The following HNRNPH3 variants were observed in gnomAD, a reference collection of about 807,000 sequenced individuals.
The protein encoded by HNRNPH3 is heterogeneous nuclear ribonucleoprotein H3, also known as heterogeneous nuclear ribonucleoprotein 2H9.
Under a neutral mutation model 47.0 loss-of-function variants are expected in HNRNPH3, and 7 were observed. That is an observed-to-expected ratio of 0.15 (90% CI 0.08 to 0.28). HNRNPH3 has a LOEUF of 0.28. HNRNPH3 is among the 10% of genes least tolerant of loss of function. The pLI, the probability that HNRNPH3 is intolerant of heterozygous loss-of-function variation, is 1.00. For missense variants in HNRNPH3, 279 were observed against 449.6 expected, an observed-to-expected ratio of 0.62 and a Z score of 3.43; for synonymous variants, 120 against 143.2, an observed-to-expected ratio of 0.84 and a Z score of 1.16.
chr10:68,339,072 T>G (rs1235996864), intron 4 of HNRNPH3, 68 bp from the exon 5 acceptor site: 1 of 1,287,730 alleles, frequency 7.8e-7, no homozygotes. Flanking sequence ...AAAATGTTTT[T>G]GTAAACTAAA....
intron 4 of HNRNPH3, 23 bp downstream of exon 4, chr10:68,338,710 G>A (rs747875735): frequency 3.3e-6 from 5 of 1,513,460 alleles, no homozygotes; most frequent in East Asian, 2.3e-5. Context: ...AATGAACAAA[G>A]GTTCTGTTGT....
In HNRNPH3 at chr10:68,339,574, C is replaced by T. The variant is rs1362066981; in HGVS notation, c.639+19C>T. ...TGCTAATGTGAGTAATTTTTAATAA[C>T]TATTAGTGGTTTTATACTTATCCTG... On this transcript the variant is annotated intron_variant, in intron 6 of 9. Coordinates refer to ENST00000265866, the MANE Select transcript of HNRNPH3 (RefSeq NM_012207.3). 4.8e-6 allele frequency: 7 copies of T among 1,455,562 alleles called. No homozygotes were observed. In the African/African-American group the frequency reaches 8.4e-5, roughly 17 times the overall value. 90.2% of individuals were successfully genotyped at this position (1,455,562 alleles called of 1,614,324 possible). A position where few individuals can be genotyped will look rare whatever the true frequency, so the allele number is the denominator to read the frequency against.
intron 1 of HNRNPH3, among the ~76,000 whole-genome samples, chr10:68,335,109 A>C (rs574936745): frequency 9.4e-5 from 14 of 149,324 alleles, no homozygotes; most frequent in African/African-American, 3.4e-4. Flanking sequence ...CACTGATAAC[A>C]CTTTTTTTGT....
Position 68,333,551 on chromosome 10 carries a change from T to C in HNRNPH3, c.-24+1335T>C, listed in dbSNP as rs185938776. Among the ~76,000 whole-genome samples, 594 of 152,298 alleles carry C rather than the reference T, an allele frequency of 3.9e-3. 8 individuals are homozygous for C. The highest frequency in any genetic ancestry group is 0.014 in the African/African-American group (570 of 41,556). ...TTGGTAGCTAGGCATGTTTTTTCTTTAGTGTAGGAGTATAGTACACTGTAA... is the reference window on the plus strand; with the variant it reads ...TTGGTAGCTAGGCATGTTTTTTCTTCAGTGTAGGAGTATAGTACACTGTAA... On this transcript the variant is annotated intron_variant, in intron 1 of 9. Transcript: ENST00000265866.
At chr10:68,336,426 AT>A (rs2045549986) in intron 1 of HNRNPH3, among the ~76,000 whole-genome samples, 1 of 152,214 alleles carries the variant, frequency 6.6e-6, no homozygotes, top group South Asian at 2.1e-4. Flanking sequence ...ATTAAAAAGT[AT>A]ATTACCTATT....
Position 68,337,387 on chromosome 10 carries a change from G to A in HNRNPH3, c.112+54G>A. On this transcript the variant is annotated intron_variant, in intron 2 of 9. Coordinates refer to ENST00000265866, the MANE Select transcript of HNRNPH3 (RefSeq NM_012207.3). The surrounding 1 kb of genome is among the most constrained non-coding windows in gnomAD (Gnocchi z 4.5). ...AGTATTGTAATTTTATATTTGTATT[G>A]TTTTACTGTTTTTAATTTGTAAAAC... is the stretch of plus-strand genomic sequence containing the variant. 9.1e-7 allele frequency: 1 copy of A among 1,096,448 alleles called. No homozygotes were observed. The highest frequency in any genetic ancestry group is 1.9e-5 in the Admixed American group (1 of 51,642). The allele number at this position is 1,096,448 out of a possible 1,614,324, so 67.9% of individuals were successfully genotyped here.
Position 68,332,084 on chromosome 10 carries a change from C to T in HNRNPH3, c.-156C>T, listed in dbSNP as rs1053281673. ...AAGCCAGTAGCTGTGCTGCGCAGCT[C>T]CCTAAGCGGTTGTCACCGCTGGAGA... On this transcript the variant is annotated 5_prime_UTR_variant, in exon 1 of 10. Coordinates refer to ENST00000265866, the MANE Select transcript of HNRNPH3 (RefSeq NM_012207.3). 1 of 152,378 alleles carries T rather than the reference C, an allele frequency of 6.6e-6. No homozygotes were observed. Among genetic ancestry groups the T allele is most frequent in the African/African-American group, 2.4e-5 (1 of 41,470 alleles). 9.4% of individuals were successfully genotyped at this position (152,378 alleles called of 1,614,324 possible).
Position 68,341,711 on chromosome 10 carries a change from AGCT to A in HNRNPH3, c.871+35_871+37del, listed in dbSNP as rs773027664. 6 of 1,582,358 alleles carry A rather than the reference AGCT, an allele frequency of 3.8e-6. No individual in the cohort carries two copies. In the South Asian group the frequency reaches 6.8e-5, roughly 18 times the overall value. ...TAAAGTTTTTAAAATATGCAGGGTT[AGCT>A]GCTTATCGATGAGTCTCAATTTTTT... On this transcript the variant is annotated intron_variant, in intron 8 of 9. Coordinates refer to ENST00000265866, the MANE Select transcript of HNRNPH3 (RefSeq NM_012207.3).
In HNRNPH3 at chr10:68,343,134, G is replaced by GAACTT. The variant is rs1290929511; in HGVS notation, c.*1081_*1085dup. The GAACTT allele has an allele frequency of 6.6e-6, 1 of 152,138 alleles. No homozygotes were observed. Among genetic ancestry groups the GAACTT allele is most frequent in the Non-Finnish European group, 1.5e-5 (1 of 68,028 alleles). 9.4% of individuals were successfully genotyped at this position (152,138 alleles called of 1,614,324 possible). On this transcript the variant is annotated 3_prime_UTR_variant, in exon 10 of 10. Transcript: ENST00000265866. ...ACCTGTTGATGTGAATTCAGTTATT[G>GAACTT]AACTTGTTACTTGTTTTTGCCAGAA...
chr10:68,341,229 G>A lies in HNRNPH3; in HGVS notation c.695G>A (p.Arg232Lys), dbSNP rs765073589. ...RVHIDIGADG[R>K]ATGEADVEFV... Reference sequence around the variant, plus strand: ...CATATTGATATTGGAGCTGATGGCAGAGCCACAGGAGAAGCAGATGTAGAG... The same window carrying A: ...CATATTGATATTGGAGCTGATGGCAAAGCCACAGGAGAAGCAGATGTAGAG... Residue 232 changes from arginine (R) to lysine (K), a missense_variant, in exon 7 of 10, where the codon AGA becomes AAA. Arg to Lys is a conservative substitution (Grantham distance 26). Around this residue, in one of 2 missense-constraint regions of HNRNPH3, gnomAD observed 239 missense variants for 335.8 expected, o/e 0.71. Transcript: ENST00000265866. The A allele has an allele frequency of 6.2e-7, 1 of 1,602,136 alleles. No homozygotes were observed.
chr10:68,337,755 G>GTT lies in HNRNPH3; in HGVS notation c.113-100_113-99dup. On this transcript the variant is annotated intron_variant, in intron 2 of 9. Coordinates refer to ENST00000265866, the MANE Select transcript of HNRNPH3 (RefSeq NM_012207.3). The surrounding 1 kb of genome is among the most constrained non-coding windows in gnomAD (Gnocchi z 4.5). ...ATGGGAAACTAAGCTTTTTTGTTTT[G>GTT]TTTTGTTTTGTTTAGACTTGTTTTA... 9.3e-7 allele frequency: 1 copy of GTT among 1,074,346 alleles called. No individual in the cohort carries two copies. Among genetic ancestry groups the GTT allele is most frequent in the South Asian group, 1.9e-5 (1 of 52,666 alleles). The allele number at this position is 1,074,346 out of a possible 1,614,324, so 66.6% of individuals were successfully genotyped here.
At chr10:68,333,760 T>C (rs936322318) in intron 1 of HNRNPH3, among the ~76,000 whole-genome samples, 1 of 152,190 alleles carries the variant, frequency 6.6e-6, no homozygotes, top group Admixed American at 6.5e-5. Flanking sequence ...TGTAAAACTT[T>C]ATAAGAATAT....
chr10:68,338,927 G>A (rs2045674911), intron 4 of HNRNPH3: 1 of 524,008 alleles, frequency 1.9e-6, no homozygotes, highest in African/African-American at 2.0e-5. Flanking sequence ...TTTGCCTAAG[G>A]ATGAAATTTA....
Position 68,341,466 on chromosome 10 carries a change from GTAAT to G in HNRNPH3, c.776-114_776-111del, listed in dbSNP as rs2045933494. On this transcript the variant is annotated intron_variant, in intron 7 of 9. Transcript: ENST00000265866. The stretch of plus-strand genomic sequence containing the variant: ...GTGGGCTTTATATATCGCTGTACTA[GTAAT>G]TAATAAGCATACTTTGTTTAATATT... 1.3e-5 allele frequency: 13 copies of G among 997,118 alleles called. No individual in the cohort carries two copies. In the South Asian group the frequency reaches 1.8e-4, roughly 14 times the overall value. The allele number at this position is 997,118 out of a possible 1,614,324, so 61.8% of individuals were successfully genotyped here. A position where few individuals can be genotyped will look rare whatever the true frequency, so the allele number is the denominator to read the frequency against.
chr10:68,342,683 T>C lies in HNRNPH3; in HGVS notation c.*629T>C, dbSNP rs2046035199. ...GGTATGAGAGTGTTGGAAGCTGAAT[T>C]CTAGCCCTAGATTTTGGAGTAAAAC... On this transcript the variant is annotated 3_prime_UTR_variant, in exon 10 of 10. Coordinates refer to ENST00000265866, the MANE Select transcript of HNRNPH3 (RefSeq NM_012207.3). The C allele has an allele frequency of 6.6e-6, 1 of 152,614 alleles. No individual in the cohort carries two copies. The highest frequency in any genetic ancestry group is 2.4e-5 in the African/African-American group (1 of 41,450). 9.5% of individuals were successfully genotyped at this position (152,614 alleles called of 1,614,324 possible).
At chr10:68,333,880 A>G (rs997748091) in intron 1 of HNRNPH3, among the ~76,000 whole-genome samples, 22 of 152,212 alleles carry the variant, frequency 1.4e-4, no homozygotes, top group African/African-American at 5.1e-4. Flanking sequence ...TTACCTTGAA[A>G]CAGTAGGTTT....
rs1305245723 is a variant in HNRNPH3, at chr10:68,342,796, G to A, written c.*742G>A. 3 of 152,556 alleles carry A rather than the reference G, an allele frequency of 2.0e-5. No homozygotes were observed. The highest frequency in any genetic ancestry group is 1.5e-5 in the Non-Finnish European group (1 of 68,030). The allele number at this position is 152,556 out of a possible 1,614,324, so 9.5% of individuals were successfully genotyped here. A position where few individuals can be genotyped will look rare whatever the true frequency, so the allele number is the denominator to read the frequency against. ...GCAAGATGTCTTAGAGTAGGGTTAA[G>A]GTTCTCAGTGACACAAGAATTCAGT... On this transcript the variant is annotated 3_prime_UTR_variant, in exon 10 of 10. Coordinates refer to ENST00000265866, the MANE Select transcript of HNRNPH3 (RefSeq NM_012207.3).
chr10:68,333,343 GT>G (rs1479877971), intron 1 of HNRNPH3, among the ~76,000 whole-genome samples: 1 of 152,056 alleles, frequency 6.6e-6, no homozygotes, highest in Non-Finnish European at 1.5e-5. Context: ...GTTAGAATTT[GT>G]TTTTAAGTTT....
Position 68,341,979 on chromosome 10 carries a change from C to A in HNRNPH3, c.966C>A (p.Gly322=). 2.5e-6 allele frequency: 4 copies of A among 1,613,492 alleles called. No individual in the cohort carries two copies. Among genetic ancestry groups the A allele is most frequent in the Non-Finnish European group, 3.4e-6 (4 of 1,179,666 alleles). Residue 322 remains glycine, a splice_region_variant and synonymous_variant, in exon 10 of 10, where the codon GGC becomes GGA. Transcript: ENST00000265866. ...YGTPDGLGGY[G]RGGGGSGGYY... Reference sequence around the variant, plus strand: ...GATTCTTAATATCTTTTTCTTAAGGCCGTGGTGGTGGAGGCAGTGGAGGTT... The same window carrying A: ...GATTCTTAATATCTTTTTCTTAAGGACGTGGTGGTGGAGGCAGTGGAGGTT...
Sources: gnomAD v4.1 joint callset for allele counts (sites outside exome capture counted in the v4.1 genomes callset) on GRCh38, gnomAD v4.1.1 for gene constraint, gnomAD v4.1.1 regional missense constraint, Gnocchi (gnomAD v3.1) non-coding constraint, MANE v1.5 for transcripts, NCBI Gene and HGNC (gene_info 2026-07-23, HGNC 2026-07-21) for gene names.